SLC8A1: variants seen among roughly 807,000 people sequenced by gnomAD.
SLC8A1 encodes solute carrier family 8 member A1.
In SLC8A1, 18 loss-of-function variants were observed where a neutral mutation model predicts 68.3. That is an observed-to-expected ratio of 0.26 (90% confidence interval 0.18 to 0.39). SLC8A1 has a LOEUF of 0.39. SLC8A1 is among the 10% of genes least tolerant of loss of function. The pLI is 1.00. For missense variants in SLC8A1, 985 were observed against 1,156.7 expected (o/e 0.85, Z 2.15); for synonymous variants, 475 against 415.5 (o/e 1.14, Z -1.74).
intron 2 of SLC8A1, among the ~76,000 whole-genome samples, chr2:40,224,232 A>C (rs906209311): frequency 6.6e-6 from 1 of 152,106 alleles, no homozygotes; most frequent in East Asian, 1.9e-4. Context: ...GAGGCTGTCT[A>C]GTATGGGTTG....
chr2:40,126,040 C>T (rs1281610795), intron 7 of SLC8A1, among the ~76,000 whole-genome samples: 2 of 152,076 alleles, frequency 1.3e-5, no homozygotes, highest in African/African-American at 2.4e-5. Flanking sequence ...GGTGAGGAAA[C>T]GGAAGCTCCT....
intron 2 of SLC8A1, among the ~76,000 whole-genome samples, chr2:40,238,156 T>C (rs374837067): frequency 6.6e-6 from 1 of 152,176 alleles, no homozygotes; most frequent in East Asian, 1.9e-4. Context: ...CCCGGCTGCT[T>C]TGTTTACCTA....
chr2:40,289,184 A>T (rs1341853902), intron 2 of SLC8A1, among the ~76,000 whole-genome samples: 2 of 151,914 alleles, frequency 1.3e-5, no homozygotes, highest in Non-Finnish European at 2.9e-5. Context: ...TATAAGCTAC[A>T]AAAGAATAAA....
rs73927132 is a variant in SLC8A1, at chr2:40,148,351, A to G, written c.2162-8675T>C. ...AAACATCTGTCTCTCTGGGCAGCAAATGGAAAGGACGCTGGCTCTACAGCA... is the reference window on the plus strand; with the variant it reads ...AAACATCTGTCTCTCTGGGCAGCAAGTGGAAAGGACGCTGGCTCTACAGCA... On this transcript the variant is annotated intron_variant, in intron 6 of 7. Coordinates refer to ENST00000406785, the Ensembl canonical transcript of SLC8A1. Among the ~76,000 whole-genome samples the G allele has an allele frequency of 9.8e-3, 1,490 of 152,258 alleles. 20 individuals are homozygous for G. Among genetic ancestry groups the G allele is most frequent in the African/African-American group, 0.034 (1,411 of 41,556 alleles).
At position 40,404,367 on chromosome 2, in the gene SLC8A1, C is replaced by T. The variant is rs77197370; in HGVS notation, c.1808+24106G>A. 5.3e-3 allele frequency among the ~76,000 whole-genome samples: 814 copies of T among 152,338 alleles called. 5 individuals carry two copies. Among genetic ancestry groups the T allele is most frequent in the African/African-American group, 0.018 (764 of 41,576 alleles). On this transcript the variant is annotated intron_variant, in intron 2 of 7. Coordinates refer to ENST00000406785, the Ensembl canonical transcript of SLC8A1. The stretch of plus-strand genomic sequence containing the variant: ...GTTGCAAACACTAAGAACCATTCTA[C>T]ATTTCCTCTGTAATGCAACAATTTT...
At chr2:40,175,160 A>C in intron 3 of SLC8A1, 101 bp downstream of exon 4, 1 of 1,182,172 alleles carries the variant, frequency 8.5e-7, no homozygotes, top group Non-Finnish European at 1.2e-6. Context: ...TCTTGCTAGC[A>C]AGTCAAGAGA....
At chr2:40,252,839 T>TATAG (rs2063023276) in intron 2 of SLC8A1, among the ~76,000 whole-genome samples, 1 of 144,618 alleles carries the variant, frequency 6.9e-6, no homozygotes, top group African/African-American at 2.7e-5. Flanking sequence ...TACATGTGTA[T>TATAG]ACATATATGT....
intron 2 of SLC8A1, among the ~76,000 whole-genome samples, chr2:40,286,837 CTTGA>C (rs2068397288): frequency 6.6e-6 from 1 of 152,184 alleles, no homozygotes; most frequent in African/African-American, 2.4e-5. Context: ...ATCACATGTG[CTTGA>C]TTGGTCTGAT....
chr2:40,301,605 G>A (rs1407987666), intron 2 of SLC8A1, among the ~76,000 whole-genome samples: 1 of 152,134 alleles, frequency 6.6e-6, no homozygotes. Context: ...AGGGTGGGAG[G>A]GAAGTGAGGG....
chr2:40,506,502 T>C (rs1187068526), intron 1 of SLC8A1, among the ~76,000 whole-genome samples: 5 of 151,912 alleles, frequency 3.3e-5, no homozygotes. Flanking sequence ...AACTTTGGGA[T>C]TTGGTTTTTA....
At chr2:40,453,064 A>C (rs1702745509), upstream of SLC8A1, 1 of 152,138 alleles carries the variant, frequency 6.6e-6, no homozygotes, top group Non-Finnish European at 1.5e-5. Context: ...TTGACAGCTC[A>C]TTCATTCTTA....
intron 2 of SLC8A1, among the ~76,000 whole-genome samples, chr2:40,290,551 T>C (rs1016322873): frequency 2.6e-5 from 4 of 152,150 alleles, no homozygotes; most frequent in Non-Finnish European, 4.4e-5. Flanking sequence ...CACATTTGCC[T>C]GGTTAACTAT....
chr2:40,278,467 CAAACAAAACA>C (rs149146644), intron 2 of SLC8A1, among the ~76,000 whole-genome samples: 38,401 of 150,608 alleles, frequency 0.25, 5,954 homozygotes, highest in African/African-American at 0.42. Flanking sequence ...GACTCTGTCT[CAAACAAAACA>C]AAACAAAACA....
intron 2 of SLC8A1, among the ~76,000 whole-genome samples, chr2:40,409,699 T>G (rs1438065526): frequency 6.6e-6 from 1 of 151,880 alleles, no homozygotes; most frequent in Non-Finnish European, 1.5e-5. Flanking sequence ...GGTTTTGGAG[T>G]TGATTACAGT....
exon 2 of SLC8A1, chr2:40,428,819 C>T (rs267599375): frequency 1.2e-6 from 2 of 1,613,750 alleles, no homozygotes; most frequent in Non-Finnish European, 8.5e-7. Context: ...AAATTTTCAT[C>T]CTCCTCAAAG....
At chr2:40,174,380 A>G (rs562303959) in intron 4 of SLC8A1, among the ~76,000 whole-genome samples, 4 of 152,194 alleles carry the variant, frequency 2.6e-5, no homozygotes, top group East Asian at 1.9e-4. Flanking sequence ...GTCAGCTTCT[A>G]TGTTTCTCTG....
intron 2 of SLC8A1, among the ~76,000 whole-genome samples, chr2:40,276,899 A>G (rs2066768840): frequency 6.6e-6 from 1 of 152,208 alleles, no homozygotes; most frequent in African/African-American, 2.4e-5. Context: ...TTTGTGGAAA[A>G]AACTTCACCT....
chr2:40,244,442 A>C (rs1282399491), intron 2 of SLC8A1, among the ~76,000 whole-genome samples: 1 of 152,012 alleles, frequency 6.6e-6, no homozygotes, highest in Non-Finnish European at 1.5e-5. Flanking sequence ...TTTCCTGTAT[A>C]ATGTCACCCC....
intron 2 of SLC8A1, among the ~76,000 whole-genome samples, chr2:40,253,749 C>T (rs2063381428): frequency 6.8e-6 from 1 of 146,984 alleles, no homozygotes; most frequent in African/African-American, 2.5e-5. Context: ...ATCACTTAAA[C>T]CCAGGAGGTG....
Sources: allele counts gnomAD v4.1 joint callset (sites outside exome capture counted in the v4.1 genomes callset), GRCh38; gene constraint gnomAD v4.1.1; transcripts MANE v1.5; gene names NCBI Gene and HGNC (gene_info 2026-07-23, HGNC 2026-07-21).